Variants in SORCS3 observed in about 807,000 individuals in gnomAD.
SORCS3 encodes the protein sortilin related VPS10 domain containing receptor 3.
In SORCS3, 57 loss-of-function variants were observed where a neutral mutation model predicts 146.3. That is an observed-to-expected ratio of 0.39 (90% CI 0.31 to 0.49). SORCS3 has a LOEUF of 0.49. Ranked by LOEUF, SORCS3 falls within the 20% of genes least tolerant of loss-of-function variation. The pLI is 0.92. For missense variants in SORCS3, 1,341 were observed against 1,575.5 expected (o/e 0.85, Z 2.52); for synonymous variants, 653 against 618.5 (o/e 1.06, Z -0.83).
At chr10:104,765,707 T>C (rs2017171721) in intron 1 of SORCS3, among the ~76,000 whole-genome samples, 1 of 152,218 alleles carries the variant, frequency 6.6e-6, no homozygotes, top group Admixed American at 6.5e-5. Flanking sequence ...TAATAAAAAC[T>C]CCCAAAGCTC....
intron 22 of SORCS3, among the ~76,000 whole-genome samples, chr10:105,250,463 C>T (rs934498460): frequency 3.9e-5 from 6 of 152,234 alleles, no homozygotes; most frequent in Non-Finnish European, 7.4e-5. Flanking sequence ...TCACAAGGAC[C>T]AATCACTCGT....
chr10:105,052,096 C>G (rs1427710245), intron 5 of SORCS3, among the ~76,000 whole-genome samples: 1 of 152,058 alleles, frequency 6.6e-6, no homozygotes, highest in Non-Finnish European at 1.5e-5. Flanking sequence ...CAAGACATGC[C>G]GGACCCTTGA....
Position 104,863,664 on chromosome 10 carries a change from C to T in SORCS3, c.695+20805C>T, listed in dbSNP as rs376559903. Among the ~76,000 whole-genome samples, 5 of 152,162 alleles carry T rather than the reference C, an allele frequency of 3.3e-5. No individual in the cohort carries two copies. The East Asian group carries it at 7.7e-4, about 23-fold the overall frequency. ...TTGAGGTTAGGAGTCTGTTGAAAGC[C>T]TGCCTGGGTCTAGCAGCTGTGGGTC... On this transcript the variant is annotated intron_variant, in intron 2 of 26. Transcript: ENST00000369701.
chr10:105,164,515 C>A (rs1370235868), intron 12 of SORCS3, 136 bp downstream of exon 12: 2 of 713,034 alleles, frequency 2.8e-6, no homozygotes, highest in Non-Finnish European at 4.9e-6. Context: ...TCAGTTTGGT[C>A]AATTTGGCTG....
At chr10:104,643,670 G>T (rs1310897401) in intron 1 of SORCS3, among the ~76,000 whole-genome samples, 1 of 151,532 alleles carries the variant, frequency 6.6e-6, no homozygotes, top group Non-Finnish European at 1.5e-5. Context: ...CTGACAGCAG[G>T]GGTTGTGAAT....
intron 8 of SORCS3, among the ~76,000 whole-genome samples, chr10:105,145,088 C>A (rs1219429207): frequency 1.3e-5 from 2 of 151,820 alleles, no homozygotes; most frequent in Admixed American, 6.6e-5. Context: ...GGATTAGAGG[C>A]AGCCAGGTTT....
chr10:105,220,419 C>T (rs543390677), intron 19 of SORCS3, among the ~76,000 whole-genome samples: 5 of 152,240 alleles, frequency 3.3e-5, no homozygotes, highest in African/African-American at 1.2e-4. Flanking sequence ...GAGGATCTGA[C>T]ACTGTCAGCT....
chr10:105,196,486 T>A (rs1195341242), intron 14 of SORCS3, among the ~76,000 whole-genome samples: 1 of 152,118 alleles, frequency 6.6e-6, no homozygotes, highest in East Asian at 1.9e-4. Flanking sequence ...ATGCCTGTAA[T>A]CCCAGCTACT....
chr10:104,743,215 C>T (rs1330485447), intron 1 of SORCS3, among the ~76,000 whole-genome samples: 6 of 152,108 alleles, frequency 3.9e-5, no homozygotes, highest in African/African-American at 2.4e-5. Context: ...CTGCAGCTTC[C>T]AGTAAGTGCC....
chr10:105,062,132 C>A (rs1289044547), intron 5 of SORCS3, among the ~76,000 whole-genome samples: 1 of 152,172 alleles, frequency 6.6e-6, no homozygotes, highest in Non-Finnish European at 1.5e-5. Context: ...TGAAATAATA[C>A]ATGAATAGCA....
At chr10:105,175,406 C>T (rs2119550646) in intron 13 of SORCS3, among the ~76,000 whole-genome samples, 1 of 152,024 alleles carries the variant, frequency 6.6e-6, no homozygotes, top group Admixed American at 6.6e-5. Context: ...AGAGAGAGGC[C>T]TTAAATTCAC....
intron 1 of SORCS3, among the ~76,000 whole-genome samples, chr10:104,756,394 G>T (rs1267569582): frequency 6.6e-6 from 1 of 152,196 alleles, no homozygotes; most frequent in Non-Finnish European, 1.5e-5. Context: ...CATGGAACCT[G>T]CCTTGGTTTA....
At chr10:104,991,355 G>T (rs900532892) in intron 4 of SORCS3, among the ~76,000 whole-genome samples, 4 of 152,060 alleles carry the variant, frequency 2.6e-5, no homozygotes, top group South Asian at 2.1e-4. Context: ...CAAGGTGTTG[G>T]CAGGGTTGAT....
At chr10:104,654,884 G>T (rs936559613) in intron 1 of SORCS3, among the ~76,000 whole-genome samples, 3 of 152,162 alleles carry the variant, frequency 2.0e-5, no homozygotes, top group East Asian at 1.9e-4. Context: ...TAAGGTGGGG[G>T]ATTAAACACT....
chr10:105,157,819 C>T (rs1419667068), intron 10 of SORCS3, among the ~76,000 whole-genome samples: 3 of 152,282 alleles, frequency 2.0e-5, no homozygotes, highest in Non-Finnish European at 4.4e-5. Flanking sequence ...GGTGCTTCTG[C>T]TCTGTGTGAG....
chr10:104,761,673 A>G (rs1339409964), intron 1 of SORCS3, among the ~76,000 whole-genome samples: 2 of 152,144 alleles, frequency 1.3e-5, no homozygotes, highest in Non-Finnish European at 2.9e-5. Context: ...TGAAGATGCA[A>G]ATTTCCCCAC....
intron 4 of SORCS3, among the ~76,000 whole-genome samples, chr10:104,991,849 T>C (rs1396802941): frequency 1.3e-5 from 2 of 152,220 alleles, no homozygotes; most frequent in African/African-American, 2.4e-5. Flanking sequence ...GGGCCTGCTC[T>C]AATAACCTCA....
chr10:104,750,270 G>A (rs982251601), intron 1 of SORCS3, among the ~76,000 whole-genome samples: 11 of 152,064 alleles, frequency 7.2e-5, no homozygotes, highest in Admixed American at 5.2e-4. Flanking sequence ...TACTGCTTTC[G>A]TAAGGGTCAC....
intron 2 of SORCS3, among the ~76,000 whole-genome samples, chr10:104,883,753 G>A (rs75342573): frequency 0.019 from 2,900 of 152,266 alleles, 43 homozygotes; most frequent in Middle Eastern, 0.044. Context: ...TAAGTATTAG[G>A]AAGCCAGGCT....
Sources: gnomAD v4.1 joint callset for allele counts (sites outside exome capture counted in the v4.1 genomes callset) on GRCh38, gnomAD v4.1.1 for gene constraint, MANE v1.5 for transcripts, NCBI Gene and HGNC (gene_info 2026-07-23, HGNC 2026-07-21) for gene names.